RHBDD1: variants seen among roughly 807,000 people sequenced by gnomAD.
The protein encoded by RHBDD1 is rhomboid domain containing 1.
A neutral mutation model predicts 36.3 loss-of-function variants in RHBDD1; 38 were observed. That is an observed-to-expected ratio of 1.05 (90% confidence interval 0.81 to 1.37). The LOEUF (loss-of-function observed/expected upper bound fraction) is 1.37. Among genes scored for constraint, RHBDD1 ranks in the 40% most tolerant of loss-of-function variants. The probability of loss-of-function intolerance (pLI) is 0.00; values close to 1 mark genes in which losing one functional copy is unlikely to be tolerated. For synonymous variants in RHBDD1, 151 were observed against 136.5 expected (o/e 1.11, Z -0.74); for missense variants, 393 against 377.6 (o/e 1.04, Z -0.34).
In RHBDD1 at chr2:226,995,460, G is replaced by T; in HGVS notation, c.886G>T (p.Gly296Trp). Residue 296 changes from glycine (G) to tryptophan (W), a missense_variant, in exon 9 of 9, where the codon GGG (glycine) becomes TGG (tryptophan). Physicochemically the swap from Gly to Trp is radical, Grantham distance 184 (BLOSUM62 -2). Transcript: ENST00000392062. Reference sequence around the variant, plus strand: ...TACCAGAAATAGCCCACCACCCTACGGGTTTCATCTCTCACCAGAAGAAAT... The same window carrying T: ...TACCAGAAATAGCCCACCACCCTACTGGTTTCATCTCTCACCAGAAGAAAT... The part of the protein sequence containing the change: ...GNTRNSPPPY[G>W]FHLSPEEMRR... 1 of 1,612,962 alleles carries T rather than the reference G, an allele frequency of 6.2e-7. No homozygotes were observed. Among genetic ancestry groups the T allele is most frequent in the Non-Finnish European group, 8.5e-7 (1 of 1,179,400 alleles).
At chr2:226,937,632 A>G (rs1044320080) in intron 8 of RHBDD1, among the ~76,000 whole-genome samples, 2 of 152,000 alleles carry the variant, frequency 1.3e-5, no homozygotes, top group Non-Finnish European at 1.5e-5. Context: ...TGCATTATTC[A>G]TCTCCGTGTG....
At chr2:226,991,723 G>T (rs1218291025) in intron 8 of RHBDD1, among the ~76,000 whole-genome samples, 1 of 152,218 alleles carries the variant, frequency 6.6e-6, no homozygotes, top group Non-Finnish European at 1.5e-5. Context: ...CCAAGAGCAA[G>T]AGGGTAGCCT....
At chr2:226,809,580 G>GTCT in the RHBDD1 span, among the ~76,000 whole-genome samples, 12,232 of 152,224 alleles carry the variant, frequency 0.08, 553 homozygotes, top group East Asian at 0.13. Flanking sequence ...ATGCAATTTA[G>GTCT]TCTTGTCTCT....
the RHBDD1 span, among the ~76,000 whole-genome samples, chr2:226,809,450 G>C: frequency 6.6e-6 from 1 of 152,244 alleles, no homozygotes; most frequent in African/African-American, 2.4e-5. Context: ...CAGTAGGTTA[G>C]TAGAGTTTGT....
intron 5 of RHBDD1, 170 bp from the exon 6 acceptor site, chr2:226,906,623 A>C: frequency 2.4e-4 from 322 of 1,345,728 alleles, no homozygotes; most frequent in Non-Finnish European, 2.9e-4. Flanking sequence ...TTTTTAAGGT[A>C]GGAGATGTTG....
At chr2:226,977,323 G>A (rs1384354258) in intron 8 of RHBDD1, among the ~76,000 whole-genome samples, 2 of 152,100 alleles carry the variant, frequency 1.3e-5, no homozygotes, top group African/African-American at 4.8e-5. Flanking sequence ...AATATGAAGT[G>A]TATTTGCTTT....
chr2:226,849,138 T>C (rs546183448), intron 3 of RHBDD1, among the ~76,000 whole-genome samples: 2 of 152,350 alleles, frequency 1.3e-5, no homozygotes, highest in African/African-American at 4.8e-5. Flanking sequence ...GATTTAGCTA[T>C]TATTATGACT....
At chr2:226,886,498 A>C (rs73992262) in intron 5 of RHBDD1, among the ~76,000 whole-genome samples, 26,398 of 152,110 alleles carry the variant, frequency 0.17, 3,543 homozygotes, top group African/African-American at 0.37. Flanking sequence ...GCGGCTGAGC[A>C]ACTGGAGTAG....
At chr2:226,930,672 A>G (rs1041806114) in intron 8 of RHBDD1, among the ~76,000 whole-genome samples, 1 of 152,080 alleles carries the variant, frequency 6.6e-6, no homozygotes, top group African/African-American at 2.4e-5. Context: ...TCTGCATGGC[A>G]AAAGAAATAA....
At chr2:226,989,312 T>A (rs762566736) in intron 8 of RHBDD1, among the ~76,000 whole-genome samples, 2 of 152,182 alleles carry the variant, frequency 1.3e-5, no homozygotes, top group African/African-American at 4.8e-5. Flanking sequence ...ATTGTATGGA[T>A]CCACTTATGG....
At chr2:226,905,877 A>G (rs1184866200) in intron 5 of RHBDD1, among the ~76,000 whole-genome samples, 6 of 152,112 alleles carry the variant, frequency 3.9e-5, no homozygotes, top group Non-Finnish European at 7.4e-5. Flanking sequence ...TTAAGGTGCT[A>G]GTGGATGTGT....
intron 5 of RHBDD1, among the ~76,000 whole-genome samples, chr2:226,899,687 A>C (rs574222214): frequency 3.3e-5 from 5 of 152,356 alleles, no homozygotes; most frequent in African/African-American, 1.2e-4. Flanking sequence ...CTGACAGTAC[A>C]TTTATTATCA....
intron 3 of RHBDD1, among the ~76,000 whole-genome samples, chr2:226,855,629 A>G (rs1943249145): frequency 6.6e-6 from 1 of 152,234 alleles, no homozygotes; most frequent in Admixed American, 6.5e-5. Flanking sequence ...GGTTATAACA[A>G]TAAAGTGTAT....
At chr2:226,849,098 C>G (rs574472438) in intron 3 of RHBDD1, among the ~76,000 whole-genome samples, 1 of 152,254 alleles carries the variant, frequency 6.6e-6, no homozygotes, top group South Asian at 2.1e-4. Context: ...TGTTTTAGAT[C>G]ATTTAGTTTG....
intron 3 of RHBDD1, among the ~76,000 whole-genome samples, chr2:226,841,798 T>C (rs2124976029): frequency 6.6e-6 from 1 of 152,354 alleles, no homozygotes; most frequent in South Asian, 2.1e-4. Context: ...TTCTATTCCT[T>C]TGGGTATATA....
Position 226,865,033 on chromosome 2 carries a change from C to G in RHBDD1, c.340C>G (p.Leu114Val). ...CTATGTTATCACCGCATTTTCTGTACTTACTGGAGTGGTATACCTGCTCTT... is the reference window on the plus strand; with the variant it reads ...CTATGTTATCACCGCATTTTCTGTAGTTACTGGAGTGGTATACCTGCTCTT... ...FAYVITAFSVLTGVVYLLLQF... is the reference protein window; with the variant it reads ...FAYVITAFSVVTGVVYLLLQF... Residue 114 changes from leucine (L) to valine (V), a missense_variant, in exon 4 of 9, where the codon CTT (leucine) becomes GTT (valine). Transcript: ENST00000392062. 2.5e-6 allele frequency: 4 copies of G among 1,614,156 alleles called. No individual in the cohort carries two copies. The highest frequency in any genetic ancestry group is 3.4e-6 in the Non-Finnish European group (4 of 1,179,988).
At position 226,996,139 on chromosome 2, in the gene RHBDD1, G is replaced by C. The variant is rs188393451; in HGVS notation, c.*617G>C. ...TTATAGAAAGTCTTATTGAAGAAGT[G>C]TAAGAAAGACCTAAGGTGGGGAAGA... On this transcript the variant is annotated 3_prime_UTR_variant, in exon 9 of 9. Coordinates refer to ENST00000392062, the MANE Select transcript of RHBDD1 (RefSeq NM_001167608.3). The C allele has an allele frequency of 3.9e-5, 6 of 152,786 alleles. No individual in the cohort carries two copies. Among genetic ancestry groups the C allele is most frequent in the African/African-American group, 1.4e-4 (6 of 41,466 alleles). 9.5% of individuals were successfully genotyped at this position (152,786 alleles called of 1,614,324 possible).
intron 8 of RHBDD1, among the ~76,000 whole-genome samples, chr2:226,950,285 T>TA (rs1268066974): frequency 6.6e-6 from 1 of 152,260 alleles, no homozygotes; most frequent in Non-Finnish European, 1.5e-5. Context: ...AGTGAGATCA[T>TA]ACAGTATTTG....
intron 5 of RHBDD1, among the ~76,000 whole-genome samples, chr2:226,883,677 C>T (rs1385811180): frequency 2.0e-5 from 3 of 152,138 alleles, no homozygotes; most frequent in Non-Finnish European, 1.5e-5. Context: ...ATTTTGGTGA[C>T]TTGGTGACAG....
Sources: gnomAD v4.1 joint callset for allele counts (sites outside exome capture counted in the v4.1 genomes callset) on GRCh38, gnomAD v4.1.1 for gene constraint, MANE v1.5 for transcripts, NCBI Gene and HGNC (gene_info 2026-07-23, HGNC 2026-07-21) for gene names.